EIF4E2: variants seen among roughly 807,000 people sequenced by gnomAD.
EIF4E2 encodes eukaryotic translation initiation factor 4E type 2.
A neutral mutation model predicts 34.2 loss-of-function variants in EIF4E2; 13 were observed. That is an observed-to-expected ratio of 0.38 (90% CI 0.25 to 0.60). EIF4E2 has a LOEUF of 0.60. EIF4E2 is among the 20% of genes least tolerant of loss of function. EIF4E2 has a pLI of 0.62. For missense variants in EIF4E2, 222 were observed against 315.1 expected (o/e 0.70, Z 2.24); for synonymous variants, 100 against 106.6 (o/e 0.94, Z 0.38).
At chr2:232,551,120 T>G in intron 1 of EIF4E2, 6 of 565,472 alleles carry the variant, frequency 1.1e-5, no homozygotes, top group Non-Finnish European at 1.4e-5. Context: ...GAATCCAGCT[T>G]TCCCCACACA....
At chr2:232,579,123 T>TACACACACACACACACAC (rs71056276) in intron 6 of EIF4E2, among the ~76,000 whole-genome samples, 5 of 146,518 alleles carry the variant, frequency 3.4e-5, no homozygotes, top group South Asian at 2.3e-4. Flanking sequence ...AACTCAGAAA[T>TACACACACACACACACAC]ACACACACAC....
At chr2:232,561,494 G>C (rs1692724558) in intron 3 of EIF4E2, among the ~76,000 whole-genome samples, 1 of 152,168 alleles carries the variant, frequency 6.6e-6, no homozygotes, top group South Asian at 2.1e-4. Context: ...TTTTGACTCT[G>C]TAGGTCTGGA....
At position 232,564,235 on chromosome 2, in the gene EIF4E2, TTC is replaced by T; in HGVS notation, c.271-6_271-5del. On this transcript the variant is annotated splice_polypyrimidine_tract_variant and intron_variant, in intron 3 of 6. Transcript: ENST00000258416. ...GACACATGTTTTTTACTCTGGGGTC[TTC>T]TCTCTGCAGGTGGAGCAGTTCTGGA... 1 of 1,569,588 alleles carries T rather than the reference TTC, an allele frequency of 6.4e-7. No individual in the cohort carries two copies. The highest frequency in any genetic ancestry group is 2.3e-5 in the East Asian group (1 of 44,102).
In EIF4E2 at chr2:232,567,493, C is replaced by T. The variant is rs1336289315; in HGVS notation, c.665+279C>T. On this transcript the variant is annotated intron_variant, in intron 6 of 6. Coordinates refer to ENST00000258416, the MANE Select transcript of EIF4E2 (RefSeq NM_004846.4). The stretch of plus-strand genomic sequence containing the variant: ...AATTTCTACAGGCTGTCTTGTCTTT[C>T]ATATGCTAACCACTATCTTAAAATG... 4 of 1,274,868 alleles carry T rather than the reference C, an allele frequency of 3.1e-6. No individual in the cohort carries two copies. The African/African-American group carries it at 6.2e-5, about 20-fold the overall frequency. The allele number at this position is 1,274,868 out of a possible 1,614,324, so 79.0% of individuals were successfully genotyped here. A position where few individuals can be genotyped will look rare whatever the true frequency, so the allele number is the denominator to read the frequency against.
Position 232,569,093 on chromosome 2 carries a change from G to A in EIF4E2, c.*76G>A. ...CTCTTGTTCTGTTGGCGTGCTACCT[G>A]GAAGATCCTTCTGTCCTGGACAAGA... is the stretch of plus-strand genomic sequence containing the variant. On this transcript the variant is annotated 3_prime_UTR_variant, in exon 7 of 7. Transcript: ENST00000258416. 1 of 1,579,350 alleles carries A rather than the reference G, an allele frequency of 6.3e-7. No homozygotes were observed. Among genetic ancestry groups the A allele is most frequent in the Non-Finnish European group, 8.6e-7 (1 of 1,161,100 alleles).
chr2:232,551,124 CCA>C (rs1449961810), intron 1 of EIF4E2: 4 of 570,342 alleles, frequency 7.0e-6, no homozygotes, highest in Non-Finnish European at 1.4e-5. Flanking sequence ...CCAGCTTTCC[CCA>C]CACACTCCCT....
rs879729698 is a variant in EIF4E2 at position 232,566,098 on chromosome 2, GAAAAAA to G, written c.376-723_376-718del. On this transcript the variant is annotated intron_variant, in intron 4 of 6. Coordinates refer to ENST00000258416, the MANE Select transcript of EIF4E2 (RefSeq NM_004846.4). The surrounding 1 kb of genome is among the most constrained non-coding windows in gnomAD (Gnocchi z 4.9). ...CAGCGGGAGACTCCATCGCAAAAAAGAAAAAAAAAAAAACTAGATTGGGGCTTCATG... is the reference window on the plus strand; with the variant it reads ...CAGCGGGAGACTCCATCGCAAAAAAGAAAAAAACTAGATTGGGGCTTCATG... 1.1e-4 allele frequency among the ~76,000 whole-genome samples: 15 copies of G among 137,560 alleles called. No individual in the cohort carries two copies. Among genetic ancestry groups the G allele is most frequent in the Middle Eastern group, 3.6e-3 (1 of 278 alleles). 90.2% of individuals were successfully genotyped at this position (137,560 alleles called of 152,430 possible).
chr2:232,560,473 G>A (rs1692684473), intron 3 of EIF4E2, among the ~76,000 whole-genome samples: 1 of 152,166 alleles, frequency 6.6e-6, no homozygotes, highest in Non-Finnish European at 1.5e-5. Flanking sequence ...AAACGCACAA[G>A]CAGCAAAAGA....
chr2:232,581,247 CTGT>C lies in EIF4E2; in HGVS notation c.*309_*311del. Reference sequence around the variant, plus strand: ...GCTGTCCAGATGCCTCTTGGGCGTCCTGTTGTTCTCTTCCCGTGTTGTACGAAG... The same window carrying C: ...GCTGTCCAGATGCCTCTTGGGCGTCCTGTTCTCTTCCCGTGTTGTACGAAG... On this transcript the variant is annotated 3_prime_UTR_variant, in exon 7 of 7. Transcript: ENST00000409098. This position sits in a 1 kb window ranked among gnomAD's most constrained non-coding sequence, Gnocchi z 5.2. 1 of 482,546 alleles carries C rather than the reference CTGT, an allele frequency of 2.1e-6. No individual in the cohort carries two copies. The highest frequency in any genetic ancestry group is 3.9e-6 in the Non-Finnish European group (1 of 257,288). The allele number at this position is 482,546 out of a possible 1,614,324, so 29.9% of individuals were successfully genotyped here.
Position 232,566,757 on chromosome 2 carries a change from T to A in EIF4E2, c.376-72T>A. ...TCTTAGTGTTTAAGAGATTCTTGGC[T>A]TTTTACTGCCTTCATACAAAAAAAG... is the stretch of plus-strand genomic sequence containing the variant. On this transcript the variant is annotated intron_variant, in intron 4 of 6. Coordinates refer to ENST00000258416, the MANE Select transcript of EIF4E2 (RefSeq NM_004846.4). The surrounding 1 kb of genome is among the most constrained non-coding windows in gnomAD (Gnocchi z 4.9). The A allele has an allele frequency of 6.4e-7, 1 of 1,573,936 alleles. No homozygotes were observed. Among genetic ancestry groups the A allele is most frequent in the Non-Finnish European group, 8.7e-7 (1 of 1,154,756 alleles).
chr2:232,582,006 T>G (rs922086286), exon 7 of EIF4E2: 1 of 152,354 alleles, frequency 6.6e-6, no homozygotes, highest in African/African-American at 2.4e-5. Context: ...TGAGCAAATG[T>G]GTGCTGATTG....
At chr2:232,567,271 G>A (rs1455202189) in intron 6 of EIF4E2, 57 bp downstream of exon 6, 4 of 1,606,652 alleles carry the variant, frequency 2.5e-6, no homozygotes, top group South Asian at 2.2e-5. Context: ...AAGTAGATCT[G>A]TAGTTGGGCC....
chr2:232,565,071 C>T (rs1307693061), intron 4 of EIF4E2, among the ~76,000 whole-genome samples: 1 of 152,180 alleles, frequency 6.6e-6, no homozygotes, highest in African/African-American at 2.4e-5. Flanking sequence ...TATTCGGCTG[C>T]GCCCTGGTGT....
chr2:232,573,944 C>T, downstream of EIF4E2: 2 of 510,736 alleles, frequency 3.9e-6, no homozygotes, highest in South Asian at 1.9e-5. Context: ...TTTTTGGTGA[C>T]AGTTGAGCAT....
chr2:232,575,673 T>C (rs938122273), intron 6 of EIF4E2, among the ~76,000 whole-genome samples: 11 of 152,318 alleles, frequency 7.2e-5, no homozygotes, highest in African/African-American at 2.4e-4. Context: ...GGAGTGCTGC[T>C]AGTATACACA....
At position 232,566,813 on chromosome 2, in the gene EIF4E2, TTCTG is replaced by T; in HGVS notation, c.376-12_376-9del. The T allele has an allele frequency of 1.9e-6, 3 of 1,613,910 alleles. No individual in the cohort carries two copies. Among genetic ancestry groups the T allele is most frequent in the Non-Finnish European group, 2.5e-6 (3 of 1,179,964 alleles). ...GAAACCATATTTTAACTTCAGTGCTTTCTGTCTTTTTACAGGATGATGCAAATAA... is the reference window on the plus strand; with the variant it reads ...GAAACCATATTTTAACTTCAGTGCTTTCTTTTTACAGGATGATGCAAATAA... On this transcript the variant is annotated splice_polypyrimidine_tract_variant and intron_variant, in intron 4 of 6. Transcript: ENST00000258416. The surrounding 1 kb of genome is among the most constrained non-coding windows in gnomAD (Gnocchi z 4.9).
chr2:232,554,025 C>T (rs1692433327), intron 1 of EIF4E2: 1 of 152,208 alleles, frequency 6.6e-6, no homozygotes. Flanking sequence ...GGGTTTGCAT[C>T]CCAAGGGTGT....
intron 6 of EIF4E2, 30 bp from the exon 7 acceptor site, chr2:232,568,915 C>A (rs1471444389): frequency 6.2e-7 from 1 of 1,614,074 alleles, no homozygotes; most frequent in Admixed American, 1.7e-5. Flanking sequence ...TTTCCTCTCC[C>A]AATGAGCCAA....
At position 232,559,219 on chromosome 2, in the gene EIF4E2, T is replaced by TTA. The variant is rs1553582295; in HGVS notation, c.270+1201_270+1202insTA. Among the ~76,000 whole-genome samples, 284 of 66,942 alleles carry TTA rather than the reference T, an allele frequency of 4.2e-3. 1 individual carries two copies. Among genetic ancestry groups the TTA allele is most frequent in the African/African-American group, 0.016 (224 of 14,340 alleles). 43.9% of individuals were successfully genotyped at this position (66,942 alleles called of 152,430 possible). A position where few individuals can be genotyped will look rare whatever the true frequency, so the allele number is the denominator to read the frequency against. On this transcript the variant is annotated intron_variant, in intron 3 of 6. Transcript: ENST00000258416. ...CACATGTACCCTAAAACTTAAAGTA[T>TTA]AAAAAAAAAAAAAAGAATGATTCAG... is the stretch of plus-strand genomic sequence containing the variant.
Sources: gnomAD v4.1 joint callset for allele counts (sites outside exome capture counted in the v4.1 genomes callset) on GRCh38, gnomAD v4.1.1 for gene constraint, Gnocchi (gnomAD v3.1) non-coding constraint, MANE v1.5 for transcripts, NCBI Gene and HGNC (gene_info 2026-07-23, HGNC 2026-07-21) for gene names.